CYREN: variants seen among roughly 807,000 people sequenced by gnomAD.
The protein encoded by CYREN is cell cycle regulator of NHEJ.
Under a neutral mutation model 9.7 loss-of-function variants are expected in CYREN, and 7 were observed. That is an observed-to-expected ratio of 0.72 (90% confidence interval 0.41 to 1.36). The LOEUF is 1.36. Among genes scored for constraint, CYREN ranks in the 40% most tolerant of loss-of-function variants. The probability of loss-of-function intolerance (pLI) is 0.01; values close to 1 mark genes in which losing one functional copy is unlikely to be tolerated. For missense variants in CYREN, 215 were observed against 198.1 expected, an observed-to-expected ratio of 1.09 and a Z score of -0.51; for synonymous variants, 76 against 77.9, an observed-to-expected ratio of 0.98 and a Z score of 0.13.
chr7:135,096,775 G>GAAAGAAAGAA (rs1287951955), intron 2 of CYREN, among the ~76,000 whole-genome samples: 12 of 148,540 alleles, frequency 8.1e-5, no homozygotes, highest in African/African-American at 3.0e-4. Flanking sequence ...AAGAAAGAAA[G>GAAAGAAAGAA]AAAGAAAGAA....
intron 2 of CYREN, 92 bp from the exon 3 acceptor site, chr7:135,167,899 C>G (rs1179693576): frequency 2.5e-6 from 4 of 1,586,088 alleles, no homozygotes; most frequent in South Asian, 2.3e-5. Context: ...CTTCCCCCTG[C>G]CTTCCTACCA....
At chr7:135,105,786 G>A (rs1824615864) in intron 2 of CYREN, among the ~76,000 whole-genome samples, 1 of 152,080 alleles carries the variant, frequency 6.6e-6, no homozygotes, top group Non-Finnish European at 1.5e-5. Context: ...AATGTCATTG[G>A]TAGTTTGATA....
chr7:135,128,759 C>G (rs1430754752), intron 2 of CYREN: 20 of 1,351,482 alleles, frequency 1.5e-5, no homozygotes, highest in Non-Finnish European at 2.0e-5. Context: ...TCTCCCAACA[C>G]AGAGCTAGAT....
chr7:135,131,186 A>G lies in CYREN; in HGVS notation n.357-36604T>C, dbSNP rs148889080. 1.4e-3 allele frequency among the ~76,000 whole-genome samples: 207 copies of G among 152,330 alleles called. 3 individuals are homozygous for G. The highest frequency in any genetic ancestry group is 4.9e-3 in the African/African-American group (202 of 41,568). The stretch of plus-strand genomic sequence containing the variant: ...AGGGACGTGGATGAAGCTGGAAGCC[A>G]TCATCTTCAGCAAACTTAATACAGG... On this transcript the variant is annotated intron_variant and non_coding_transcript_variant, in intron 2 of 2. Coordinates refer to the CYREN transcript ENST00000459937.
rs148474556 is a variant in CYREN, at chr7:135,141,286, G to A, written n.356+27463C>T. On this transcript the variant is annotated intron_variant and non_coding_transcript_variant, in intron 2 of 2. Coordinates refer to the CYREN transcript ENST00000459937. ...ATTTCTTCCTGGTTCAATCTTGGGAGGTGGTATGTTTCTAGGAATTTATCC... is the reference window on the plus strand; with the variant it reads ...ATTTCTTCCTGGTTCAATCTTGGGAAGTGGTATGTTTCTAGGAATTTATCC... Among the ~76,000 whole-genome samples the A allele has an allele frequency of 3.6e-3, 546 of 152,100 alleles. 1 individual carries two copies. Among genetic ancestry groups the A allele is most frequent in the African/African-American group, 0.012 (502 of 41,518 alleles).
In CYREN at chr7:135,151,459, C is replaced by A. The variant is rs867013440; in HGVS notation, n.356+17290G>T. Among the ~76,000 whole-genome samples the A allele has an allele frequency of 6.6e-6, 1 of 152,192 alleles. No individual in the cohort carries two copies. Among genetic ancestry groups the A allele is most frequent in the Non-Finnish European group, 1.5e-5 (1 of 68,030 alleles). ...TGGTGGCCTCTGACAAGTAAACCTG[C>A]GCCCTTGTTCTATGCCCTGGCAAGC... On this transcript the variant is annotated intron_variant and non_coding_transcript_variant, in intron 2 of 2. Coordinates refer to the CYREN transcript ENST00000459937. This position sits in a 1 kb window ranked among gnomAD's most constrained non-coding sequence, Gnocchi z 4.3.
chr7:135,166,695 A>AC lies in CYREN; in HGVS notation c.389dup (p.Ser131PhefsTer6), dbSNP rs753942205. 4 of 1,612,674 alleles carry AC rather than the reference A, an allele frequency of 2.5e-6. No individual in the cohort carries two copies. In the East Asian group the frequency reaches 6.7e-5, roughly 27 times the overall value. ...GGCTCCTGCTACAGGCAGAGCTGGAACCCCCCGGCCTCTGGGAAGGGCTGA... is the reference window on the plus strand; with the variant it reads ...GGCTCCTGCTACAGGCAGAGCTGGAACCCCCCCGGCCTCTGGGAAGGGCTGA... On this transcript the variant is annotated frameshift_variant, in exon 4 of 4. Transcript: ENST00000393114. LOFTEE classifies it low-confidence loss of function (END_TRUNC).
rs577713286 is a variant in CYREN, at chr7:135,147,286, T to A, written n.356+21463A>T. On this transcript the variant is annotated intron_variant and non_coding_transcript_variant, in intron 2 of 2. Coordinates refer to the CYREN transcript ENST00000459937. The stretch of plus-strand genomic sequence containing the variant: ...TGGATCCCATCACCTCTTTCTAGAG[T>A]TTGCGTTTAAAAGAACTAGGGGCAG... Among the ~76,000 whole-genome samples, 198 of 152,188 alleles carry A rather than the reference T, an allele frequency of 1.3e-3. 3 individuals are homozygous for A. Among genetic ancestry groups the A allele is most frequent in the African/African-American group, 4.6e-3 (193 of 41,516 alleles).
At chr7:135,125,317 C>A (rs941609856) in intron 2 of CYREN, among the ~76,000 whole-genome samples, 1 of 152,082 alleles carries the variant, frequency 6.6e-6, no homozygotes, top group African/African-American at 2.4e-5. Context: ...AATTCCTGGA[C>A]ACACACACCC....
intron 2 of CYREN, among the ~76,000 whole-genome samples, chr7:135,154,506 C>T (rs929436038): frequency 1.3e-5 from 2 of 152,138 alleles, no homozygotes; most frequent in Non-Finnish European, 2.9e-5. Flanking sequence ...ATAAACTTCC[C>T]TCTTAGCACT....
intron 2 of CYREN, among the ~76,000 whole-genome samples, chr7:135,150,027 C>G (rs1384531344): frequency 2.6e-5 from 4 of 152,056 alleles, no homozygotes; most frequent in African/African-American, 4.8e-5. Flanking sequence ...TTTCCATTTG[C>G]TCTTAAGTTC....
chr7:135,153,223 A>ACCTT (rs1829704973), intron 2 of CYREN: 1 of 152,288 alleles, frequency 6.6e-6, no homozygotes, highest in Non-Finnish European at 1.5e-5. Flanking sequence ...TCAGAGGCCA[A>ACCTT]GGTGGGCAGA....
chr7:135,129,731 C>A lies in CYREN; in HGVS notation n.357-35149G>T, dbSNP rs1490309528. 5.5e-6 allele frequency: 4 copies of A among 725,352 alleles called. No individual in the cohort carries two copies. In the African/African-American group the frequency reaches 7.0e-5, roughly 13 times the overall value. 44.9% of individuals were successfully genotyped at this position (725,352 alleles called of 1,614,324 possible). On this transcript the variant is annotated intron_variant and non_coding_transcript_variant, in intron 2 of 2. Transcript: ENST00000459937. The stretch of plus-strand genomic sequence containing the variant: ...AAGATATGGAAGTGGATTGGTTTTC[C>A]CTAATCTTTTGTCAAGTACACAAAG...
At position 135,146,005 on chromosome 7, in the gene CYREN, C is replaced by A. The variant is rs532769940; in HGVS notation, n.356+22744G>T. Among the ~76,000 whole-genome samples the A allele has an allele frequency of 4.7e-3, 718 of 152,326 alleles. 4 individuals carry two copies. The highest frequency in any genetic ancestry group is 7.4e-3 in the Non-Finnish European group (501 of 68,018). On this transcript the variant is annotated intron_variant and non_coding_transcript_variant, in intron 2 of 2. Coordinates refer to the CYREN transcript ENST00000459937. ...TTTGCCTTCACAACATAAGGCCTAA[C>A]ATTTGGCTTATCTTTGCTTTCACAA... is the stretch of plus-strand genomic sequence containing the variant.
At chr7:135,123,988 G>C (rs1375963699) in intron 2 of CYREN, among the ~76,000 whole-genome samples, 1 of 152,080 alleles carries the variant, frequency 6.6e-6, no homozygotes, top group African/African-American at 2.4e-5. Context: ...GCATCAATTA[G>C]TGCACAAAAT....
intron 2 of CYREN, among the ~76,000 whole-genome samples, chr7:135,109,750 G>A (rs775819685): frequency 1.6e-4 from 24 of 152,168 alleles, no homozygotes; most frequent in Non-Finnish European, 3.4e-4. Context: ...AAAGCAGTCT[G>A]ACCACTTTTA....
At chr7:135,124,932 C>T (rs773424005) in intron 2 of CYREN, among the ~76,000 whole-genome samples, 7 of 152,156 alleles carry the variant, frequency 4.6e-5, no homozygotes, top group Non-Finnish European at 8.8e-5. Flanking sequence ...GCACTAAACA[C>T]CCACATCAGA....
intron 2 of CYREN, chr7:135,129,778 G>A (rs964735375): frequency 6.6e-6 from 4 of 607,826 alleles, no homozygotes; most frequent in South Asian, 5.4e-5. Flanking sequence ...GATATTTAGG[G>A]TACTACTCAT....
At chr7:135,171,518 C>T (rs1424320445), upstream of CYREN, among the ~76,000 whole-genome samples, 5 of 130,216 alleles carry the variant, frequency 3.8e-5, no homozygotes, top group African/African-American at 1.4e-4. Context: ...TCTCCCTGAC[C>T]ATCGGTGCAT....
Sources: gnomAD v4.1 joint callset for allele counts (sites outside exome capture counted in the v4.1 genomes callset) on GRCh38, gnomAD v4.1.1 for gene constraint, Gnocchi (gnomAD v3.1) non-coding constraint, MANE v1.5 for transcripts, NCBI Gene and HGNC (gene_info 2026-07-23, HGNC 2026-07-21) for gene names.